Variants in NRXN1 observed in about 807,000 individuals in gnomAD.
NRXN1 encodes the protein neurexin 1, also known as neurexin-1.
A neutral mutation model predicts 150.9 loss-of-function variants in NRXN1; 39 were observed. The observed-to-expected ratio is 0.26, with a 90% confidence interval of 0.20 to 0.34. The LOEUF is 0.34. Among genes scored for constraint, NRXN1 ranks in the 10% least tolerant of loss-of-function variants. NRXN1 has a pLI of 1.00. For missense variants in NRXN1, 1,815 were observed against 1,949.9 expected (o/e 0.93, Z 1.30); for synonymous variants, 924 against 757.0 (o/e 1.22, Z -3.62).
chr2:49,963,713 A>G (rs531597965), intron 21 of NRXN1, among the ~76,000 whole-genome samples: 21 of 152,284 alleles, frequency 1.4e-4, no homozygotes, highest in African/African-American at 4.6e-4. Context: ...TCTTTCACCA[A>G]ACAAAACAGG....
chr2:50,560,424 GTTTATTTA>G (rs376853823), intron 8 of NRXN1, among the ~76,000 whole-genome samples: 23 of 89,536 alleles, frequency 2.6e-4, no homozygotes, highest in East Asian at 7.7e-4. Context: ...TCTGATGTAT[GTTTATTTA>G]TTTATTTATT....
chr2:50,691,895 G>A (rs1402924548), intron 5 of NRXN1, among the ~76,000 whole-genome samples: 1 of 152,154 alleles, frequency 6.6e-6, no homozygotes, highest in East Asian at 1.9e-4. Context: ...ACTCATCTGT[G>A]AAGTCCTTTC....
At chr2:50,251,828 T>C (rs2067119369) in intron 17 of NRXN1, among the ~76,000 whole-genome samples, 1 of 152,192 alleles carries the variant, frequency 6.6e-6, no homozygotes, top group South Asian at 2.1e-4. Flanking sequence ...CATAAATGTT[T>C]TCTTTTGACA....
intron 22 of NRXN1, among the ~76,000 whole-genome samples, chr2:49,939,946 C>A (rs1671686265): frequency 6.6e-6 from 1 of 152,120 alleles, no homozygotes; most frequent in South Asian, 2.1e-4. Flanking sequence ...CTGAATGGAA[C>A]CACAGGTAAT....
intron 18 of NRXN1, among the ~76,000 whole-genome samples, chr2:50,171,522 TA>T (rs2060030975): frequency 6.6e-6 from 1 of 152,124 alleles, no homozygotes; most frequent in African/African-American, 2.4e-5. Flanking sequence ...AGACATAGTT[TA>T]GAGTGTTACT....
In NRXN1 at chr2:50,527,405, A is replaced by T. The variant is rs138798604; in HGVS notation, c.2374+1220T>A. 2.6e-4 allele frequency among the ~76,000 whole-genome samples: 39 copies of T among 152,274 alleles called. No individual in the cohort carries two copies. The East Asian group carries it at 7.3e-3, about 29-fold the overall frequency. On this transcript the variant is annotated intron_variant, in intron 12 of 22. Transcript: ENST00000401669. ...TACATATATTTGAAAAATTCCGCTT[A>T]CGTGAGAGCTTTGACAGGTTATTTT...
chr2:50,401,703 G>A (rs1408890206), intron 17 of NRXN1, among the ~76,000 whole-genome samples: 1 of 152,138 alleles, frequency 6.6e-6, no homozygotes, highest in Admixed American at 6.5e-5. Flanking sequence ...AGACCATTTT[G>A]GGGTAGGCAA....
At chr2:49,970,884 CT>C (rs1282205062) in intron 21 of NRXN1, among the ~76,000 whole-genome samples, 1 of 151,864 alleles carries the variant, frequency 6.6e-6, no homozygotes. Context: ...GAATAAAACA[CT>C]GGGAGCAGGG....
intron 17 of NRXN1, among the ~76,000 whole-genome samples, chr2:50,305,060 A>C (rs1025443790): frequency 1.1e-4 from 16 of 152,188 alleles, no homozygotes; most frequent in African/African-American, 3.9e-4. Flanking sequence ...ACTGCACTCC[A>C]GCCTGGGTGA....
chr2:50,725,779 A>C (rs777411379), intron 5 of NRXN1, among the ~76,000 whole-genome samples: 11 of 152,186 alleles, frequency 7.2e-5, no homozygotes, highest in Non-Finnish European at 1.5e-4. Context: ...AGCTTTGTAA[A>C]ACAGACTTAA....
chr2:50,598,083 G>A (rs1049810833), intron 8 of NRXN1, among the ~76,000 whole-genome samples: 9 of 151,768 alleles, frequency 5.9e-5, no homozygotes, highest in African/African-American at 1.5e-4. Context: ...AGGTTGCAGT[G>A]AGCCAAGATG....
intron 5 of NRXN1, among the ~76,000 whole-genome samples, chr2:50,658,411 G>GGTGT (rs58970263): frequency 0.092 from 13,252 of 144,758 alleles, 743 homozygotes; most frequent in Non-Finnish European, 0.13. Context: ...TGCATTCACT[G>GGTGT]GTGTGTGTGT....
intron 5 of NRXN1, among the ~76,000 whole-genome samples, chr2:50,697,430 C>A (rs1031632119): frequency 1.3e-5 from 2 of 151,900 alleles, no homozygotes; most frequent in African/African-American, 4.8e-5. Context: ...CAAAGTGAAA[C>A]TTGACAAGTT....
chr2:50,515,766 CT>C (rs1320276400), intron 12 of NRXN1, among the ~76,000 whole-genome samples: 3 of 151,902 alleles, frequency 2.0e-5, no homozygotes, highest in Non-Finnish European at 2.9e-5. Flanking sequence ...GAGGCAGGAC[CT>C]TGTGAGAAGC....
intron 21 of NRXN1, among the ~76,000 whole-genome samples, chr2:50,012,217 T>G (rs368083941): frequency 6.6e-6 from 1 of 152,082 alleles, no homozygotes; most frequent in East Asian, 1.9e-4. Flanking sequence ...AACAGGGGCA[T>G]GAATTACTAG....
intron 17 of NRXN1, among the ~76,000 whole-genome samples, chr2:50,378,204 A>AT (rs2080670292): frequency 6.6e-6 from 1 of 152,104 alleles, no homozygotes; most frequent in Non-Finnish European, 1.5e-5. Flanking sequence ...CTGACCTTTC[A>AT]TTTTTTGGGG....
chr2:50,608,943 C>T (rs907351436), intron 8 of NRXN1, among the ~76,000 whole-genome samples: 2 of 151,976 alleles, frequency 1.3e-5, no homozygotes, highest in Admixed American at 6.6e-5. Context: ...TTACAAGGTA[C>T]CCATATTTAA....
At chr2:50,644,201 A>G (rs1182301390) in intron 5 of NRXN1, among the ~76,000 whole-genome samples, 1 of 151,764 alleles carries the variant, frequency 6.6e-6, no homozygotes, top group Non-Finnish European at 1.5e-5. Flanking sequence ...AACTTGATAT[A>G]TGTAATTATT....
At chr2:49,924,454 C>A (rs1408740373) in intron 22 of NRXN1, among the ~76,000 whole-genome samples, 2 of 151,790 alleles carry the variant, frequency 1.3e-5, no homozygotes, top group Non-Finnish European at 2.9e-5. Context: ...ACTATCTTAT[C>A]AAAAAAATTT....
Sources: gnomAD v4.1 joint callset for allele counts (sites outside exome capture counted in the v4.1 genomes callset) on GRCh38, gnomAD v4.1.1 for gene constraint, MANE v1.5 for transcripts, NCBI Gene and HGNC (gene_info 2026-07-23, HGNC 2026-07-21) for gene names.